The following SORCS3 variants were observed in gnomAD, a reference collection of about 807,000 sequenced individuals.
SORCS3 encodes VPS10 domain-containing receptor SorCS3.
A neutral mutation model predicts 146.3 loss-of-function variants in SORCS3; 57 were observed. The observed-to-expected ratio is 0.39, with a 90% CI of 0.31 to 0.49. SORCS3 has a LOEUF of 0.49. Ranked by LOEUF, SORCS3 falls within the 20% of genes least tolerant of loss-of-function variation. SORCS3 has a pLI of 0.92. For missense variants in SORCS3, 1,341 were observed against 1,575.5 expected, an observed-to-expected ratio of 0.85 and a Z score of 2.52; for synonymous variants, 653 against 618.5, an observed-to-expected ratio of 1.06 and a Z score of -0.83.
At chr10:104,913,418 G>A (rs1047301562) in intron 2 of SORCS3, among the ~76,000 whole-genome samples, 3 of 152,238 alleles carry the variant, frequency 2.0e-5, no homozygotes, top group African/African-American at 7.2e-5. Context: ...GATTGGGAGT[G>A]ATTCCCAGAG....
chr10:105,164,406 A>C, intron 12 of SORCS3, 27 bp downstream of exon 12: 1 of 1,505,872 alleles, frequency 6.6e-7, no homozygotes. Context: ...ACAAAAAGGG[A>C]GGAGGCATTT....
intron 4 of SORCS3, among the ~76,000 whole-genome samples, chr10:105,027,703 G>A (rs895075773): frequency 6.6e-6 from 1 of 152,128 alleles, no homozygotes; most frequent in Non-Finnish European, 1.5e-5. Context: ...CTGTCCACAA[G>A]TGTCCTTTGA....
chr10:104,852,650 G>A (rs559633688), intron 2 of SORCS3, among the ~76,000 whole-genome samples: 1 of 152,114 alleles, frequency 6.6e-6, no homozygotes, highest in Non-Finnish European at 1.5e-5. Flanking sequence ...TGCTTCTAAA[G>A]TTGTTTTGGA....
At chr10:104,678,463 G>A (rs11192156) in intron 1 of SORCS3, among the ~76,000 whole-genome samples, 10,396 of 152,246 alleles carry the variant, frequency 0.068, 506 homozygotes, top group Non-Finnish European at 0.11. Context: ...AAATCCCTAG[G>A]TTCAGAGTTT....
intron 12 of SORCS3, among the ~76,000 whole-genome samples, chr10:105,165,486 A>G (rs1439697903): frequency 2.6e-5 from 4 of 152,164 alleles, no homozygotes; most frequent in Non-Finnish European, 5.9e-5. Flanking sequence ...CATTGCCTCC[A>G]GTGTCAGCAC....
At chr10:105,109,739 C>T (rs1378918467) in intron 7 of SORCS3, among the ~76,000 whole-genome samples, 1 of 151,472 alleles carries the variant, frequency 6.6e-6, no homozygotes, top group Non-Finnish European at 1.5e-5. Context: ...TACTTAAAGC[C>T]TTTAAAAAAT....
At chr10:105,242,489 T>TATTTATATATATTTATATAC (rs2056833835) in intron 20 of SORCS3, among the ~76,000 whole-genome samples, 2 of 21,390 alleles carry the variant, frequency 9.4e-5, no homozygotes, top group Non-Finnish European at 1.7e-4. Flanking sequence ...TATATTTATA[T>TATTTATATATATTTATATAC]ATTTATATAT....
intron 1 of SORCS3, among the ~76,000 whole-genome samples, chr10:104,835,855 C>G (rs1371779407): frequency 6.6e-6 from 1 of 152,198 alleles, no homozygotes; most frequent in African/African-American, 2.4e-5. Context: ...TTGCACAGTA[C>G]AGCTTATAAA....
At chr10:105,005,098 A>G (rs75860599) in intron 4 of SORCS3, among the ~76,000 whole-genome samples, 7,534 of 152,262 alleles carry the variant, frequency 0.049, 573 homozygotes, top group African/African-American at 0.16. Flanking sequence ...TGTAAATTAT[A>G]TGAATACCAC....
chr10:105,023,224 G>C (rs371116899), intron 4 of SORCS3, among the ~76,000 whole-genome samples: 2 of 152,158 alleles, frequency 1.3e-5, no homozygotes, highest in Admixed American at 6.5e-5. Context: ...ACATATATGG[G>C]TCTATTTATT....
At chr10:104,754,197 C>T (rs1050953823) in intron 1 of SORCS3, among the ~76,000 whole-genome samples, 16 of 152,184 alleles carry the variant, frequency 1.1e-4, no homozygotes, top group African/African-American at 3.9e-4. Flanking sequence ...TATCCCAGGC[C>T]TGCCTGTGTC....
At chr10:105,145,739 A>G (rs1482358744) in intron 8 of SORCS3, among the ~76,000 whole-genome samples, 4 of 152,142 alleles carry the variant, frequency 2.6e-5, no homozygotes, top group Non-Finnish European at 4.4e-5. Flanking sequence ...GGAACCTGTA[A>G]TTCTACAAGG....
chr10:105,019,152 A>G (rs2055184867), intron 4 of SORCS3, among the ~76,000 whole-genome samples: 1 of 152,156 alleles, frequency 6.6e-6, no homozygotes, highest in East Asian at 1.9e-4. Flanking sequence ...TTCTTTATGT[A>G]CTGACACCAG....
chr10:104,653,066 C>T (rs2015583016), intron 1 of SORCS3, among the ~76,000 whole-genome samples: 1 of 152,166 alleles, frequency 6.6e-6, no homozygotes, highest in African/African-American at 2.4e-5. Flanking sequence ...TTATTATCTG[C>T]AACAAAATCT....
chr10:104,839,347 G>C (rs2018110754), intron 1 of SORCS3, among the ~76,000 whole-genome samples: 1 of 152,142 alleles, frequency 6.6e-6, no homozygotes. Context: ...CACCTGAAAG[G>C]GGTGGGCTTT....
intron 16 of SORCS3, among the ~76,000 whole-genome samples, chr10:105,203,737 A>C (rs1264003948): frequency 6.6e-6 from 1 of 152,156 alleles, no homozygotes; most frequent in East Asian, 1.9e-4. Context: ...CATCTACCGC[A>C]TTGGGTCCTA....
At position 105,217,058 on chromosome 10, in the gene SORCS3, G is replaced by C; in HGVS notation, c.2670G>C (p.Gln890His). The change falls in exon 19 of 27, where the codon CAG becomes CAC. Residue 890 changes from glutamine (Q) to histidine (H), a missense_variant. By Grantham distance (24) the Gln-to-His change is conservative. Coordinates refer to ENST00000369701, the MANE Select transcript of SORCS3 (RefSeq NM_014978.3). ...KHVYKSAGIF[Q>H]VTAYAENNLG... ...TGTATAAGAGTGCGGGGATCTTCCA[G>C]GTGACAGCCTATGCAGAGAACAACC... 6.2e-7 allele frequency: 1 copy of C among 1,614,186 alleles called. No individual in the cohort carries two copies. The highest frequency in any genetic ancestry group is 1.3e-5 in the African/African-American group (1 of 75,040).
At chr10:105,068,054 A>G (rs1161264268) in intron 5 of SORCS3, among the ~76,000 whole-genome samples, 2 of 151,866 alleles carry the variant, frequency 1.3e-5, no homozygotes, top group African/African-American at 4.8e-5. Flanking sequence ...TCAGACACAT[A>G]CTTCTCATGC....
chr10:104,738,833 T>C (rs1325966746), intron 1 of SORCS3, among the ~76,000 whole-genome samples: 1 of 152,176 alleles, frequency 6.6e-6, no homozygotes. Context: ...TCTGAAGATA[T>C]AGGAGACATT....
Sources: allele counts gnomAD v4.1 joint callset (sites outside exome capture counted in the v4.1 genomes callset), GRCh38; gene constraint gnomAD v4.1.1; transcripts MANE v1.5; gene names NCBI Gene and HGNC (gene_info 2026-07-23, HGNC 2026-07-21).